The following PKD1L1 variants were observed in gnomAD, a reference collection of about 807,000 sequenced individuals.
The protein encoded by PKD1L1 is polycystin 1 like 1, transient receptor potential channel interacting, also known as polycystin-1-like protein 1.
In PKD1L1, 236 loss-of-function variants were observed where a neutral mutation model predicts 323.4. That is an observed-to-expected ratio of 0.73 (90% CI 0.66 to 0.81). The LOEUF (loss-of-function observed/expected upper bound fraction) is 0.81. Ranked by LOEUF, PKD1L1 falls within the 40% of genes least tolerant of loss-of-function variation. PKD1L1 has a pLI of 0.00. For synonymous variants in PKD1L1, 1,344 were observed against 1,335.0 expected (o/e 1.01, Z -0.15); for missense variants, 3,320 against 3,508.0 (o/e 0.95, Z 1.35).
rs919410470 is a variant in PKD1L1 at position 47,929,320 on chromosome 7, G to C, written c.944C>G (p.Ala315Gly). 2.5e-6 allele frequency: 4 copies of C among 1,614,142 alleles called. No homozygotes were observed. Among genetic ancestry groups the C allele is most frequent in the Non-Finnish European group, 3.4e-6 (4 of 1,180,026 alleles). Residue 315 changes from alanine (A) to glycine (G), a missense_variant, in exon 7 of 57, where the codon GCT (alanine) becomes GGT (glycine). Ala to Gly is a moderately conservative substitution (Grantham distance 60). Coordinates refer to ENST00000289672, the MANE Select transcript of PKD1L1 (RefSeq NM_138295.5). ...CATCAGACAGAGAGCCTCTCCAGAAGCCATATGAACACGGAATCCCAGATT... is the reference window on the plus strand; with the variant it reads ...CATCAGACAGAGAGCCTCTCCAGAACCCATATGAACACGGAATCCCAGATT... ...PPNLGFRVHM[A>G]SGEALCLMMD...
chr7:47,864,571 C>CTTTCT (rs1488130801), intron 26 of PKD1L1, among the ~76,000 whole-genome samples: 1 of 150,370 alleles, frequency 6.7e-6, no homozygotes, highest in African/African-American at 2.5e-5. Context: ...TTTTCTTTTT[C>CTTTCT]TTTCTTTTCT....
In PKD1L1 at chr7:47,846,887, C is replaced by G; in HGVS notation, c.5145G>C (p.Val1715=). 6.2e-7 allele frequency: 1 copy of G among 1,603,312 alleles called. No individual in the cohort carries two copies. Among genetic ancestry groups the G allele is most frequent in the Non-Finnish European group, 8.5e-7 (1 of 1,177,212 alleles). ...CTCAAATGTGTCTATACCTGCAGTT[C>G]ACTTTTTCAGGAGAAGTCCCTGGTT... ...SPQPGTSPEK[V]NCSYHRLAAF... The change falls in exon 32 of 57, where the codon GTG becomes GTC. Residue 1715 remains valine, a synonymous_variant. Transcript: ENST00000289672.
intron 37 of PKD1L1, among the ~76,000 whole-genome samples, chr7:47,835,865 C>A (rs999712105): frequency 4.6e-5 from 7 of 152,120 alleles, no homozygotes; most frequent in Admixed American, 1.3e-4. Context: ...TCTTCTTATA[C>A]AAATCGTTTT....
Position 47,808,370 on chromosome 7 carries a change from C to T in PKD1L1, c.7704G>A (p.Val2568=), listed in dbSNP as rs1562939707. Residue 2568 remains valine, a synonymous_variant, in exon 52 of 57, where the codon GTG becomes GTA. Transcript: ENST00000289672. ...RNWLELSVVG[V]SLTYYAVSGH... The stretch of plus-strand genomic sequence containing the variant: ...CGGAAACTGCATAGTAGGTGAGGCT[C>T]ACTCCAACCACGGAGAGCTGGAACA... The T allele has an allele frequency of 1.9e-6, 3 of 1,614,098 alleles. No individual in the cohort carries two copies. The highest frequency in any genetic ancestry group is 2.5e-6 in the Non-Finnish European group (3 of 1,180,018).
intron 24 of PKD1L1, among the ~76,000 whole-genome samples, chr7:47,870,179 C>CA (rs767145870): frequency 0.32 from 48,739 of 150,576 alleles, 8,349 homozygotes; most frequent in African/African-American, 0.43. Context: ...GAAACAACAA[C>CA]AACAAAAAAA....
chr7:47,835,881 G>A (rs1305668660), intron 37 of PKD1L1, among the ~76,000 whole-genome samples: 1 of 152,112 alleles, frequency 6.6e-6, no homozygotes, highest in Non-Finnish European at 1.5e-5. Context: ...GTTTTGGATT[G>A]AACAAATGCT....
intron 54 of PKD1L1, among the ~76,000 whole-genome samples, chr7:47,796,978 C>T (rs1189284511): frequency 7.1e-5 from 10 of 141,164 alleles, no homozygotes; most frequent in African/African-American, 2.4e-4. Flanking sequence ...CCAGCCTGGG[C>T]GACAGAGCAA....
chr7:47,786,305 C>G (rs995496676), intron 56 of PKD1L1, among the ~76,000 whole-genome samples: 1 of 152,140 alleles, frequency 6.6e-6, no homozygotes, highest in Non-Finnish European at 1.5e-5. Flanking sequence ...TACAAACTGG[C>G]AAGTTAAAGG....
At chr7:47,793,510 C>G (rs769124793) in intron 55 of PKD1L1, among the ~76,000 whole-genome samples, 1 of 152,160 alleles carries the variant, frequency 6.6e-6, no homozygotes, top group Non-Finnish European at 1.5e-5. Context: ...TAAGATGTGC[C>G]TTTCACCTCT....
intron 20 of PKD1L1, 105 bp from the exon 21 acceptor site, chr7:47,880,910 A>T: frequency 1.3e-6 from 1 of 765,842 alleles, no homozygotes; most frequent in South Asian, 2.0e-5. Flanking sequence ...CAGGGGTGAA[A>T]TTAACATAGA....
chr7:47,922,240 G>C (rs147790041), intron 7 of PKD1L1, among the ~76,000 whole-genome samples: 17,115 of 152,190 alleles, frequency 0.11, 1,119 homozygotes, highest in East Asian at 0.25. Flanking sequence ...CTGGAGTGCA[G>C]TGGCGTGCTC....
At chr7:47,891,843 G>A (rs1786826136) in intron 15 of PKD1L1, among the ~76,000 whole-genome samples, 2 of 152,206 alleles carry the variant, frequency 1.3e-5, no homozygotes, top group African/African-American at 2.4e-5. Context: ...GTCTCCTTAG[G>A]TTGGGTGCAG....
In PKD1L1 at chr7:47,908,186, C is replaced by T. The variant is rs753469162; in HGVS notation, c.1293G>A (p.Gly431=). ...NEFHGTEVEL[G]PYYVEIGHEA... is the part of the protein sequence containing the mutation. ...CATGGCCAATCTCCACATAATAAGGCCCAAGCTCCACTTCGGTTCCATGAA... is the reference window on the plus strand; with the variant it reads ...CATGGCCAATCTCCACATAATAAGGTCCAAGCTCCACTTCGGTTCCATGAA... The change falls in exon 9 of 57, where the codon GGG becomes GGA. Residue 431 remains glycine (G), a synonymous_variant. Transcript: ENST00000289672. The T allele has an allele frequency of 2.7e-5, 44 of 1,614,058 alleles. No individual in the cohort carries two copies. Among genetic ancestry groups the T allele is most frequent in the Non-Finnish European group, 3.6e-5 (43 of 1,180,038 alleles).
In PKD1L1 at chr7:47,931,401, AG is replaced by A. The variant is rs1787769647; in HGVS notation, c.520-81del. On this transcript the variant is annotated intron_variant, in intron 5 of 56. Transcript: ENST00000289672. ...TAGCTGATGTCCGCCATGCTCAAAA[AG>A]CCAATTTAACAAACAGCCCCACTGC... The A allele has an allele frequency of 8.1e-6, 12 of 1,477,286 alleles. No homozygotes were observed. In the East Asian group the frequency reaches 2.8e-4, roughly 35 times the overall value. The allele number at this position is 1,477,286 out of a possible 1,614,324, so 91.5% of individuals were successfully genotyped here. A position where few individuals can be genotyped will look rare whatever the true frequency, so the allele number is the denominator to read the frequency against.
In PKD1L1 at chr7:47,808,344, C is replaced by A. The variant is rs774549509; in HGVS notation, c.7730G>T (p.Gly2577Val). Residue 2577 changes from glycine to valine, a missense_variant, in exon 52 of 57, where the codon GGC (glycine) becomes GTC (valine). Physicochemically the swap from Gly to Val is moderately radical, Grantham distance 109. Coordinates refer to ENST00000289672, the MANE Select transcript of PKD1L1 (RefSeq NM_138295.5). Reference sequence around the variant, plus strand: ...ATCTCCAGCAAGAGTAACAAGGTGGCCGGAAACTGCATAGTAGGTGAGGCT... The same window carrying A: ...ATCTCCAGCAAGAGTAACAAGGTGGACGGAAACTGCATAGTAGGTGAGGCT... ...GVSLTYYAVS[G>V]HLVTLAGDVT... 53 of 1,614,118 alleles carry A rather than the reference C, an allele frequency of 3.3e-5. 2 individuals are homozygous for A. The highest frequency in any genetic ancestry group is 1.6e-4 in the East Asian group (7 of 44,874).
chr7:47,904,132 A>C (rs376057154), intron 12 of PKD1L1, among the ~76,000 whole-genome samples: 5 of 152,020 alleles, frequency 3.3e-5, no homozygotes, highest in African/African-American at 1.2e-4. Context: ...AGCCATCCCC[A>C]CCACATCACA....
chr7:47,796,823 T>G (rs1357660219), intron 54 of PKD1L1, among the ~76,000 whole-genome samples: 14 of 62,028 alleles, frequency 2.3e-4, no homozygotes, highest in Middle Eastern at 7.0e-3. Context: ...CTGTCTCTCC[T>G]AAATTACAAA....
At chr7:47,905,681 T>C (rs373114877) in intron 10 of PKD1L1, among the ~76,000 whole-genome samples, 162 bp downstream of exon 10, 14 of 152,154 alleles carry the variant, frequency 9.2e-5, no homozygotes, top group African/African-American at 2.9e-4. Context: ...TTTCAGAAAA[T>C]TCCCAGAACA....
At chr7:47,890,848 G>T in intron 15 of PKD1L1, 85 bp from the exon 16 acceptor site, 1 of 1,209,474 alleles carries the variant, frequency 8.3e-7, no homozygotes, top group Non-Finnish European at 1.2e-6. Context: ...GTTTTCCCCA[G>T]GTGAGGGGGA....
Sources: gnomAD v4.1 joint callset for allele counts (sites outside exome capture counted in the v4.1 genomes callset) on GRCh38, gnomAD v4.1.1 for gene constraint, MANE v1.5 for transcripts, NCBI Gene and HGNC (gene_info 2026-07-23, HGNC 2026-07-21) for gene names.